Variants in MACROD2 observed in about 807,000 individuals in gnomAD.
MACROD2 encodes mono-ADP ribosylhydrolase 2.
MACROD2 carries 36 observed loss-of-function variants against 70.4 expected under a neutral mutation model. The observed-to-expected ratio is 0.51, with a 90% CI of 0.39 to 0.68. The LOEUF (loss-of-function observed/expected upper bound fraction) is 0.68, where lower values mean the gene tolerates loss of function less well. Ranked by LOEUF, MACROD2 falls within the 30% of genes least tolerant of loss-of-function variation. The pLI, the probability that MACROD2 is intolerant of heterozygous loss-of-function variation, is 0.00. For missense variants in MACROD2, 496 were observed against 538.4 expected (o/e 0.92, Z 0.78); for synonymous variants, 172 against 178.8 (o/e 0.96, Z 0.30).
At chr20:14,861,363 T>C (rs1304195838) in intron 5 of MACROD2, among the ~76,000 whole-genome samples, 1 of 152,070 alleles carries the variant, frequency 6.6e-6, no homozygotes, top group Non-Finnish European at 1.5e-5. Context: ...AACAGCTGGG[T>C]TCCACGTCCT....
intron 3 of MACROD2, among the ~76,000 whole-genome samples, chr20:14,222,813 GAAAAAAAA>G (rs199573606): frequency 0.14 from 18,863 of 132,604 alleles, 2,136 homozygotes; most frequent in African/African-American, 0.28. Flanking sequence ...TTGGATTTCT[GAAAAAAAA>G]AAAAAAAAAA....
intron 5 of MACROD2, among the ~76,000 whole-genome samples, chr20:14,805,563 T>G (rs1331663641): frequency 6.6e-6 from 1 of 152,032 alleles, no homozygotes; most frequent in Non-Finnish European, 1.5e-5. Flanking sequence ...GTGTAAAAAT[T>G]TAGCGAAGCT....
intron 5 of MACROD2, among the ~76,000 whole-genome samples, chr20:15,049,904 T>C (rs145075573): frequency 0.073 from 10,896 of 150,076 alleles, 541 homozygotes; most frequent in Non-Finnish European, 0.1. Flanking sequence ...GCCAAGATTG[T>C]GCCACTGCAC....
intron 4 of MACROD2, among the ~76,000 whole-genome samples, chr20:14,516,888 G>A (rs995394318): frequency 6.6e-6 from 1 of 152,120 alleles, no homozygotes; most frequent in African/African-American, 2.4e-5. Context: ...GATATGAATG[G>A]ACACTTCTCA....
chr20:15,421,709 A>T (rs533537052), intron 6 of MACROD2, among the ~76,000 whole-genome samples: 6 of 152,338 alleles, frequency 3.9e-5, no homozygotes, highest in African/African-American at 1.2e-4. Context: ...ACAGATATTT[A>T]TTGAGTTCCA....
intron 12 of MACROD2, among the ~76,000 whole-genome samples, chr20:15,945,144 A>G (rs1449351885): frequency 4.6e-5 from 7 of 152,240 alleles, no homozygotes; most frequent in Admixed American, 4.6e-4. Flanking sequence ...AAAAATATTT[A>G]GCATTAAAAT....
chr20:15,962,135 G>A (rs2066071492), intron 12 of MACROD2, among the ~76,000 whole-genome samples: 1 of 152,158 alleles, frequency 6.6e-6, no homozygotes, highest in Non-Finnish European at 1.5e-5. Flanking sequence ...TGTGGCACTG[G>A]TGCACACCTT....
chr20:14,255,951 A>G (rs915963969), intron 3 of MACROD2, among the ~76,000 whole-genome samples: 1 of 151,714 alleles, frequency 6.6e-6, no homozygotes, highest in Admixed American at 6.6e-5. Context: ...TGCCTATTAA[A>G]TCTGTGGCTT....
At chr20:14,230,669 C>CATATATGTATATATATATATATA (rs1388842581) in intron 3 of MACROD2, among the ~76,000 whole-genome samples, 1 of 92,922 alleles carries the variant, frequency 1.1e-5, no homozygotes, top group Admixed American at 1.2e-4. Flanking sequence ...CAGGCTGGGC[C>CATATATGTATATATATATATATA]TATATATATA....
chr20:15,418,622 G>A (rs1035034876), intron 6 of MACROD2, among the ~76,000 whole-genome samples: 28 of 152,148 alleles, frequency 1.8e-4, no homozygotes, highest in Non-Finnish European at 3.8e-4. Context: ...GACACTGGAA[G>A]GTACAACTTA....
chr20:15,610,991 C>CTTTTTTTTTTTTTTTTT (rs34495725), intron 8 of MACROD2, among the ~76,000 whole-genome samples: 3 of 60,088 alleles, frequency 5.0e-5, no homozygotes, highest in African/African-American at 1.2e-4. Context: ...AGCCAAAAAT[C>CTTTTTTTTTTTTTTTTT]TTTTTTTTTT....
intron 5 of MACROD2, among the ~76,000 whole-genome samples, chr20:14,985,685 C>CTTTTTT (rs57486090): frequency 8.7e-6 from 1 of 115,356 alleles, no homozygotes; most frequent in Non-Finnish European, 2.0e-5. Context: ...TTCTCTTATT[C>CTTTTTT]TTTTTTTTTT....
At chr20:15,431,058 A>C (rs2046358111) in intron 6 of MACROD2, among the ~76,000 whole-genome samples, 1 of 152,028 alleles carries the variant, frequency 6.6e-6, no homozygotes, top group African/African-American at 2.4e-5. Context: ...AAATGTGCAA[A>C]GTAATTAGAA....
chr20:14,944,922 A>G (rs772254227), intron 5 of MACROD2, among the ~76,000 whole-genome samples: 12 of 152,004 alleles, frequency 7.9e-5, no homozygotes, highest in Non-Finnish European at 1.6e-4. Context: ...TGGCTCACCT[A>G]TCATTTGTGG....
At chr20:14,182,799 C>G (rs1346858839) in intron 3 of MACROD2, among the ~76,000 whole-genome samples, 1 of 151,868 alleles carries the variant, frequency 6.6e-6, no homozygotes, top group East Asian at 1.9e-4. Flanking sequence ...TAGAAAGACT[C>G]TGGACTCAGT....
intron 6 of MACROD2, among the ~76,000 whole-genome samples, chr20:15,340,779 T>A: frequency 6.6e-6 from 1 of 152,090 alleles, no homozygotes; most frequent in Non-Finnish European, 1.5e-5. Context: ...ACACACTTTT[T>A]TTTTTTTGCC....
intron 8 of MACROD2, among the ~76,000 whole-genome samples, chr20:15,514,913 C>T (rs909255479): frequency 4.6e-5 from 7 of 152,208 alleles, no homozygotes; most frequent in East Asian, 3.9e-4. Context: ...AGTAAACTAC[C>T]GTATCAGAGA....
intron 6 of MACROD2, among the ~76,000 whole-genome samples, chr20:15,265,605 C>T (rs185411744): frequency 6.6e-6 from 1 of 152,326 alleles, no homozygotes; most frequent in African/African-American, 2.4e-5. Context: ...GGACAAATCA[C>T]AAGAATGTTC....
chr20:15,339,052 C>T (rs1313755483), intron 6 of MACROD2, among the ~76,000 whole-genome samples: 1 of 151,588 alleles, frequency 6.6e-6, no homozygotes, highest in Non-Finnish European at 1.5e-5. Context: ...TGGCCTCTAG[C>T]AAATATGCCA....
Sources: gnomAD v4.1 joint callset for allele counts (sites outside exome capture counted in the v4.1 genomes callset) on GRCh38, gnomAD v4.1.1 for gene constraint, MANE v1.5 for transcripts, NCBI Gene and HGNC (gene_info 2026-07-23, HGNC 2026-07-21) for gene names.